The following THSD7B variants were observed in gnomAD, a reference collection of about 807,000 sequenced individuals.
THSD7B encodes thrombospondin type-1 domain-containing protein 7B.
Under a neutral mutation model 213.6 loss-of-function variants are expected in THSD7B, and 138 were observed. That is an observed-to-expected ratio of 0.65 (90% CI 0.56 to 0.74). The LOEUF is 0.74. Among genes scored for constraint, THSD7B ranks in the 30% least tolerant of loss-of-function variants. The pLI is 0.00. For missense variants in THSD7B, 1,931 were observed against 1,991.5 expected, an observed-to-expected ratio of 0.97 and a Z score of 0.58; for synonymous variants, 742 against 687.0, an observed-to-expected ratio of 1.08 and a Z score of -1.25.
At chr2:137,462,090 A>C (rs1687896280) in intron 15 of THSD7B, among the ~76,000 whole-genome samples, 1 of 152,122 alleles carries the variant, frequency 6.6e-6, no homozygotes, top group African/African-American at 2.4e-5. Flanking sequence ...TTCCAGAAAT[A>C]AACAATCCAT....
intron 3 of THSD7B, among the ~76,000 whole-genome samples, chr2:137,086,838 G>T (rs903985647): frequency 1.3e-5 from 2 of 152,148 alleles, no homozygotes; most frequent in Non-Finnish European, 2.9e-5. Context: ...GAAAAAATTT[G>T]ACAATACTTT....
chr2:137,402,752 G>C (rs1686399988), intron 12 of THSD7B, among the ~76,000 whole-genome samples: 1 of 146,952 alleles, frequency 6.8e-6, no homozygotes, highest in South Asian at 2.1e-4. Flanking sequence ...GCAGGCGGAG[G>C]TTGCAGTGAG....
At chr2:137,477,048 T>A (rs1316127051) in intron 15 of THSD7B, among the ~76,000 whole-genome samples, 1 of 152,210 alleles carries the variant, frequency 6.6e-6, no homozygotes, top group African/African-American at 2.4e-5. Context: ...AAAGTTCAGT[T>A]TATATGCAAT....
intron 17 of THSD7B, among the ~76,000 whole-genome samples, chr2:137,585,264 A>AT (rs1236786528): frequency 1.3e-5 from 2 of 151,434 alleles, no homozygotes; most frequent in South Asian, 2.1e-4. Flanking sequence ...CACTCTATCA[A>AT]TTTTTTTGAT....
intron 5 of THSD7B, among the ~76,000 whole-genome samples, chr2:137,126,553 G>C (rs1688632131): frequency 6.7e-6 from 1 of 148,266 alleles, no homozygotes; most frequent in South Asian, 2.1e-4. Flanking sequence ...AGGAAATGTT[G>C]TGACTGCTTT....
intron 15 of THSD7B, among the ~76,000 whole-genome samples, chr2:137,543,928 T>C (rs1235764447): frequency 2.6e-5 from 4 of 151,758 alleles, no homozygotes; most frequent in Non-Finnish European, 5.9e-5. Flanking sequence ...AAAAATGATA[T>C]GTCACTTCAC....
At chr2:137,160,472 A>G in intron 6 of THSD7B, 104 bp downstream of exon 6, 1 of 1,421,184 alleles carries the variant, frequency 7.0e-7, no homozygotes. Flanking sequence ...ATTTGTTTGT[A>G]AAATTTAGAT....
chr2:137,124,355 CACTT>C, intron 5 of THSD7B, among the ~76,000 whole-genome samples: 1 of 152,186 alleles, frequency 6.6e-6, no homozygotes. Context: ...AAGAAGTATC[CACTT>C]ACTGCCCAAC....
chr2:137,524,130 C>T (rs1463478100), intron 15 of THSD7B, among the ~76,000 whole-genome samples: 2 of 152,076 alleles, frequency 1.3e-5, no homozygotes, highest in Non-Finnish European at 2.9e-5. Context: ...GTTTTGTAGC[C>T]TGTCAAAATG....
At chr2:137,065,328 T>A (rs569099237) in intron 3 of THSD7B, among the ~76,000 whole-genome samples, 1 of 152,212 alleles carries the variant, frequency 6.6e-6, no homozygotes, top group East Asian at 1.9e-4. Flanking sequence ...TGTTGTCATA[T>A]AAAATGCTAC....
At chr2:137,036,841 C>A (rs1296239568) in intron 2 of THSD7B, among the ~76,000 whole-genome samples, 1 of 152,158 alleles carries the variant, frequency 6.6e-6, no homozygotes, top group African/African-American at 2.4e-5. Flanking sequence ...TGGGCTGAAC[C>A]TTTCTCTGTC....
In THSD7B at chr2:137,157,458, G is replaced by A. The variant is rs114330030; in HGVS notation, c.1370-2755G>A. 2.6e-3 allele frequency among the ~76,000 whole-genome samples: 390 copies of A among 152,274 alleles called. 6 individuals are homozygous for A. Among genetic ancestry groups the A allele is most frequent in the African/African-American group, 8.7e-3 (363 of 41,560 alleles). ...GAGCAAAGCCGGGGCTGTTTTGGCT[G>A]GCTTCCCCCTTATCTCTGGATGTTG... On this transcript the variant is annotated intron_variant, in intron 5 of 27. Coordinates refer to ENST00000409968, the MANE Select transcript of THSD7B (RefSeq NM_001316349.2).
chr2:137,035,023 C>G (rs1407057982), intron 2 of THSD7B, among the ~76,000 whole-genome samples: 1 of 152,202 alleles, frequency 6.6e-6, no homozygotes, highest in Non-Finnish European at 1.5e-5. Context: ...ACACTGTCTT[C>G]CACAATGGTT....
At chr2:137,091,302 A>G (rs1372130438) in intron 3 of THSD7B, among the ~76,000 whole-genome samples, 2 of 152,198 alleles carry the variant, frequency 1.3e-5, no homozygotes, top group Admixed American at 6.5e-5. Flanking sequence ...AGGAACCACT[A>G]CTTTAGCTGT....
chr2:137,564,462 C>T (rs1681190872), intron 16 of THSD7B, among the ~76,000 whole-genome samples: 1 of 152,096 alleles, frequency 6.6e-6, no homozygotes, highest in Admixed American at 6.5e-5. Flanking sequence ...TGTACATTGC[C>T]CTTTCTTCTG....
chr2:137,086,418 C>A (rs1291682174), intron 3 of THSD7B, among the ~76,000 whole-genome samples: 1 of 152,112 alleles, frequency 6.6e-6, no homozygotes, highest in Non-Finnish European at 1.5e-5. Flanking sequence ...TCTGCCCACA[C>A]CCCTTGGTTC....
chr2:137,100,469 CA>C (rs1002934046), intron 4 of THSD7B, among the ~76,000 whole-genome samples: 14 of 151,896 alleles, frequency 9.2e-5, no homozygotes, highest in African/African-American at 3.1e-4. Context: ...ACTTTTGCAC[CA>C]ACCTTACAGA....
At chr2:137,123,188 A>C (rs1160300328) in intron 5 of THSD7B, among the ~76,000 whole-genome samples, 1 of 152,038 alleles carries the variant, frequency 6.6e-6, no homozygotes, top group Non-Finnish European at 1.5e-5. Context: ...TCAAACTTGG[A>C]TGAAACACCA....
chr2:137,160,660 G>A (rs1198058486), intron 6 of THSD7B, among the ~76,000 whole-genome samples: 5 of 152,174 alleles, frequency 3.3e-5, no homozygotes, highest in South Asian at 2.1e-4. Flanking sequence ...GTCTTGCTCT[G>A]TCACCCAGGC....
Sources: gnomAD v4.1 joint callset for allele counts (sites outside exome capture counted in the v4.1 genomes callset) on GRCh38, gnomAD v4.1.1 for gene constraint, MANE v1.5 for transcripts, NCBI Gene and HGNC (gene_info 2026-07-23, HGNC 2026-07-21) for gene names.